The following ADGRL3 variants were observed in gnomAD, a reference collection of about 807,000 sequenced individuals.
ADGRL3 encodes the protein calcium-independent alpha-latrotoxin receptor 3.
Under a neutral mutation model 153.5 loss-of-function variants are expected in ADGRL3, and 62 were observed. The ratio of observed to expected loss-of-function variants is 0.40; its 90% CI spans 0.33 to 0.50. The LOEUF is 0.50. Among genes scored for constraint, ADGRL3 ranks in the 20% least tolerant of loss-of-function variants. The probability of loss-of-function intolerance (pLI) is 0.47; values close to 1 mark genes in which losing one functional copy is unlikely to be tolerated. For synonymous variants in ADGRL3, 710 were observed against 672.5 expected, an observed-to-expected ratio of 1.06 and a Z score of -0.86; for missense variants, 1,641 against 1,859.4, an observed-to-expected ratio of 0.88 and a Z score of 2.16.
intron 20 of ADGRL3, among the ~76,000 whole-genome samples, chr4:61,996,616 C>T (rs1028639831): frequency 1.3e-5 from 2 of 152,152 alleles, no homozygotes; most frequent in African/African-American, 4.8e-5. Flanking sequence ...TCCAATCCAA[C>T]ATAATACATT....
rs748430047 is a variant in ADGRL3 at position 62,070,776 on chromosome 4, C to T, written c.4500C>T (p.His1500=). ...TGCCAAACCTAGGCTCCAGAAACCACGTCCATCAGCTGCATACTTACTACC... is the reference window on the plus strand; with the variant it reads ...TGCCAAACCTAGGCTCCAGAAACCATGTCCATCAGCTGCATACTTACTACC... ...KSMPNLGSRN[H]VHQLHTYYQL... Residue 1500 remains histidine, a synonymous_variant, in exon 27 of 27, where the codon CAC becomes CAT. Coordinates refer to ENST00000683033, the MANE Select transcript of ADGRL3 (RefSeq NM_001387552.1). 2.0e-5 allele frequency: 31 copies of T among 1,551,500 alleles called. No individual in the cohort carries two copies. Among genetic ancestry groups the T allele is most frequent in the East Asian group, 4.9e-5 (2 of 40,908 alleles).
chr4:61,501,024 G>A (rs2098381458), intron 3 of ADGRL3, among the ~76,000 whole-genome samples: 1 of 152,146 alleles, frequency 6.6e-6, no homozygotes, highest in African/African-American at 2.4e-5. Flanking sequence ...AGCAGGTGAG[G>A]CAGAAACATT....
At chr4:61,468,746 G>A (rs960842353) in intron 2 of ADGRL3, among the ~76,000 whole-genome samples, 2 of 152,016 alleles carry the variant, frequency 1.3e-5, no homozygotes, top group Admixed American at 6.6e-5. Flanking sequence ...CCAGTGGCTG[G>A]CATAAAGAGA....
At chr4:61,522,601 C>T (rs1305759120) in intron 4 of ADGRL3, among the ~76,000 whole-genome samples, 1 of 152,036 alleles carries the variant, frequency 6.6e-6, no homozygotes, top group Non-Finnish European at 1.5e-5. Flanking sequence ...GCTTGTAACA[C>T]CATGATTTGA....
At position 61,443,678 on chromosome 4, in the gene ADGRL3, AT is replaced by A. The variant is rs1210567369; in HGVS notation, c.-173-53439del. Among the ~76,000 whole-genome samples the A allele has an allele frequency of 2.0e-5, 3 of 152,170 alleles. No homozygotes were observed. The East Asian group carries it at 5.8e-4, about 29-fold the overall frequency. On this transcript the variant is annotated intron_variant, in intron 2 of 26. Coordinates refer to ENST00000683033, the MANE Select transcript of ADGRL3 (RefSeq NM_001387552.1). ...GTGGGAGCAGTATACAATCTATAAC[AT>A]TTTGGCTCTCTATACTCATTTTATT...
intron 18 of ADGRL3, among the ~76,000 whole-genome samples, chr4:61,980,554 C>T (rs1293554303): frequency 6.6e-6 from 1 of 151,962 alleles, no homozygotes; most frequent in Non-Finnish European, 1.5e-5. Context: ...ATCCTCCCAC[C>T]ACAGCCTCTG....
intron 8 of ADGRL3, among the ~76,000 whole-genome samples, chr4:61,787,763 C>G (rs1389371427): frequency 6.6e-6 from 1 of 151,724 alleles, no homozygotes; most frequent in Admixed American, 6.6e-5. Context: ...CATTTTAATA[C>G]AGCATACAAA....
intron 2 of ADGRL3, among the ~76,000 whole-genome samples, chr4:61,479,431 G>T (rs2098107668): frequency 6.6e-6 from 1 of 152,028 alleles, no homozygotes; most frequent in South Asian, 2.1e-4. Context: ...AAATAGAGTT[G>T]GGATGTAAAG....
At chr4:61,552,021 T>C (rs1159719314) in intron 4 of ADGRL3, among the ~76,000 whole-genome samples, 2 of 152,140 alleles carry the variant, frequency 1.3e-5, no homozygotes, top group Non-Finnish European at 2.9e-5. Context: ...TCACAACATT[T>C]TATTAGATGG....
At chr4:61,311,239 G>T (rs549384400) in intron 1 of ADGRL3, among the ~76,000 whole-genome samples, 1 of 152,098 alleles carries the variant, frequency 6.6e-6, no homozygotes, top group Non-Finnish European at 1.5e-5. Context: ...ATTTTCTTGG[G>T]TATCTCTTCT....
At chr4:61,499,966 C>A (rs2098365883) in intron 3 of ADGRL3, among the ~76,000 whole-genome samples, 1 of 147,310 alleles carries the variant, frequency 6.8e-6, no homozygotes, top group African/African-American at 2.5e-5. Flanking sequence ...TGATAGTCTG[C>A]ATTGAAATCA....
chr4:61,666,429 T>C (rs181253279), intron 5 of ADGRL3, among the ~76,000 whole-genome samples: 2 of 152,124 alleles, frequency 1.3e-5, no homozygotes, highest in East Asian at 3.9e-4. Context: ...TGATTCAGTA[T>C]GACATTCCTT....
intron 1 of ADGRL3, among the ~76,000 whole-genome samples, chr4:61,239,826 A>T (rs770153844): frequency 6.6e-6 from 1 of 152,150 alleles, no homozygotes; most frequent in Admixed American, 6.6e-5. Flanking sequence ...GAAATGAGTT[A>T]TGTTAGAATT....
At chr4:61,407,113 A>G (rs966375808) in intron 2 of ADGRL3, among the ~76,000 whole-genome samples, 1 of 152,118 alleles carries the variant, frequency 6.6e-6, no homozygotes, top group African/African-American at 2.4e-5. Context: ...TTTCAGTGAT[A>G]AAATTTATAT....
intron 1 of ADGRL3, among the ~76,000 whole-genome samples, chr4:61,347,659 C>T (rs187362110): frequency 5.6e-5 from 8 of 141,892 alleles, no homozygotes; most frequent in African/African-American, 2.2e-4. Flanking sequence ...CCCTAGAAAA[C>T]TGTGCATATG....
At chr4:61,709,525 A>G (rs780565560) in intron 6 of ADGRL3, among the ~76,000 whole-genome samples, 46 of 152,202 alleles carry the variant, frequency 3.0e-4, no homozygotes, top group Non-Finnish European at 5.9e-4. Flanking sequence ...CCAAGGAGGT[A>G]GAGATCTTTA....
At chr4:61,390,916 C>A (rs1271282581) in intron 2 of ADGRL3, among the ~76,000 whole-genome samples, 6 of 152,152 alleles carry the variant, frequency 3.9e-5, no homozygotes, top group African/African-American at 1.4e-4. Context: ...TGATTGACTT[C>A]TTTTTCTCAG....
intron 6 of ADGRL3, among the ~76,000 whole-genome samples, chr4:61,694,607 C>A (rs73217675): frequency 0.014 from 2,182 of 152,240 alleles, 43 homozygotes; most frequent in African/African-American, 0.049. Flanking sequence ...TGCCTCAGTG[C>A]TAATGGCTGC....
At chr4:62,047,162 T>A (rs1017125246) in intron 25 of ADGRL3, among the ~76,000 whole-genome samples, 12 of 152,002 alleles carry the variant, frequency 7.9e-5, no homozygotes, top group African/African-American at 2.7e-4. Flanking sequence ...TGTTTTTTTT[T>A]AAATTCAGAC....
Sources: gnomAD v4.1 joint callset for allele counts (sites outside exome capture counted in the v4.1 genomes callset) on GRCh38, gnomAD v4.1.1 for gene constraint, MANE v1.5 for transcripts, NCBI Gene and HGNC (gene_info 2026-07-23, HGNC 2026-07-21) for gene names.